Variants in TSPAN9 observed in about 807,000 individuals in gnomAD.
TSPAN9 encodes tetraspanin 9, also known as tetraspanin-9.
TSPAN9 carries 16 observed loss-of-function variants against 31.0 expected under a neutral mutation model. That is an observed-to-expected ratio of 0.52 (90% CI 0.35 to 0.78). The LOEUF (loss-of-function observed/expected upper bound fraction) is 0.78, where lower values mean the gene tolerates loss of function less well. TSPAN9 is among the 30% of genes least tolerant of loss of function. The probability of loss-of-function intolerance (pLI) is 0.01; values close to 1 mark genes in which losing one functional copy is unlikely to be tolerated. For synonymous variants in TSPAN9, 145 were observed against 121.6 expected (o/e 1.19, Z -1.27); for missense variants, 272 against 312.5 (o/e 0.87, Z 0.98).
intron 3 of TSPAN9, among the ~76,000 whole-genome samples, chr12:3,268,083 G>C (rs1302584610): frequency 1.3e-5 from 2 of 152,198 alleles, no homozygotes; most frequent in African/African-American, 4.8e-5. Context: ...TGGAGGCCAT[G>C]ACTGGTTTGT....
intron 2 of TSPAN9, among the ~76,000 whole-genome samples, chr12:3,153,574 CA>C: frequency 6.6e-6 from 1 of 152,326 alleles, no homozygotes; most frequent in Non-Finnish European, 1.5e-5. Context: ...CAAGTGGTTA[CA>C]TAGGAAATGT....
intron 3 of TSPAN9, among the ~76,000 whole-genome samples, chr12:3,274,146 T>C (rs1649366575): frequency 6.6e-6 from 1 of 152,178 alleles, no homozygotes; most frequent in East Asian, 1.9e-4. Flanking sequence ...ACCCCTGGCC[T>C]CTACTCACCA....
intron 3 of TSPAN9, among the ~76,000 whole-genome samples, chr12:3,253,225 A>C (rs1453442445): frequency 6.6e-6 from 1 of 152,202 alleles, no homozygotes; most frequent in Non-Finnish European, 1.5e-5. Context: ...CCGCGTTCCT[A>C]AGAAAACCAA....
intron 2 of TSPAN9, among the ~76,000 whole-genome samples, chr12:3,131,580 G>T (rs937829514): frequency 3.3e-5 from 5 of 152,148 alleles, no homozygotes; most frequent in African/African-American, 1.2e-4. Flanking sequence ...ACCGTGGCAG[G>T]TGTGCAGGGA....
chr12:3,179,708 A>G (rs184982639), intron 2 of TSPAN9, among the ~76,000 whole-genome samples: 93 of 152,310 alleles, frequency 6.1e-4, no homozygotes, highest in Non-Finnish European at 8.4e-4. Flanking sequence ...CAAGTGATGA[A>G]TCCATGAATA....
intron 2 of TSPAN9, among the ~76,000 whole-genome samples, chr12:3,117,107 G>A (rs1482203445): frequency 6.6e-6 from 1 of 152,164 alleles, no homozygotes; most frequent in Non-Finnish European, 1.5e-5. Flanking sequence ...TCTAAATTAT[G>A]GAAAACATAA....
chr12:3,088,352 C>T (rs2098301776), intron 2 of TSPAN9, among the ~76,000 whole-genome samples: 1 of 152,172 alleles, frequency 6.6e-6, no homozygotes. Context: ...GCATGTGGGA[C>T]CTGGAGGCGC....
rs184778170 is a variant in TSPAN9 at position 3,163,567 on chromosome 12, T to C, written c.-17-37610T>C. Among the ~76,000 whole-genome samples, 301 of 152,292 alleles carry C rather than the reference T, an allele frequency of 2.0e-3. 3 individuals carry two copies. Among genetic ancestry groups the C allele is most frequent in the African/African-American group, 6.8e-3 (282 of 41,560 alleles). Reference sequence around the variant, plus strand: ...ACTATAGCACCTGGGTCACACATCGTTGGTGCTGGGTCTTTTTCCCGGGTT... The same window carrying C: ...ACTATAGCACCTGGGTCACACATCGCTGGTGCTGGGTCTTTTTCCCGGGTT... On this transcript the variant is annotated intron_variant, in intron 2 of 8. Coordinates refer to ENST00000011898, the MANE Select transcript of TSPAN9 (RefSeq NM_006675.5).
At chr12:3,207,649 C>G (rs992362057) in intron 3 of TSPAN9, among the ~76,000 whole-genome samples, 3 of 152,194 alleles carry the variant, frequency 2.0e-5, no homozygotes, top group African/African-American at 7.2e-5. Flanking sequence ...TGCGCCCCAG[C>G]AAACTTTGAG....
At chr12:3,188,356 T>G (rs941799550) in intron 2 of TSPAN9, among the ~76,000 whole-genome samples, 1 of 152,202 alleles carries the variant, frequency 6.6e-6, no homozygotes, top group Non-Finnish European at 1.5e-5. Flanking sequence ...GCGGTACTAC[T>G]GTGCTTGCTG....
intron 2 of TSPAN9, among the ~76,000 whole-genome samples, chr12:3,146,035 G>A (rs1444454530): frequency 6.6e-6 from 1 of 152,248 alleles, no homozygotes; most frequent in Non-Finnish European, 1.5e-5. Context: ...CGCAGGCACA[G>A]GCACGAGGAC....
chr12:3,130,074 C>T (rs553293786), intron 2 of TSPAN9, among the ~76,000 whole-genome samples: 1 of 152,292 alleles, frequency 6.6e-6, no homozygotes, highest in East Asian at 1.9e-4. Context: ...GCGGCTGTAC[C>T]GCCTCTTTGG....
intron 2 of TSPAN9, among the ~76,000 whole-genome samples, chr12:3,092,734 T>C (rs1445278793): frequency 6.6e-6 from 1 of 152,232 alleles, no homozygotes; most frequent in African/African-American, 2.4e-5. Flanking sequence ...TTTGGCACAT[T>C]GGATGTCCCC....
At chr12:3,119,803 G>T (rs2098324233) in intron 2 of TSPAN9, among the ~76,000 whole-genome samples, 1 of 152,144 alleles carries the variant, frequency 6.6e-6, no homozygotes, top group Admixed American at 6.5e-5. Context: ...GGAGGTGTTG[G>T]CTCTTCCCAG....
At chr12:3,155,613 AGAGG>A (rs2098341855) in intron 2 of TSPAN9, among the ~76,000 whole-genome samples, 1 of 150,870 alleles carries the variant, frequency 6.6e-6, no homozygotes, top group Non-Finnish European at 1.5e-5. Flanking sequence ...AAAAAAATAA[AGAGG>A]GAGCGAGAGC....
At chr12:3,240,514 G>A (rs1363992895) in intron 3 of TSPAN9, among the ~76,000 whole-genome samples, 1 of 152,190 alleles carries the variant, frequency 6.6e-6, no homozygotes, top group African/African-American at 2.4e-5. Context: ...GTCTGGTGAC[G>A]TGCTCGAGCT....
intron 2 of TSPAN9, among the ~76,000 whole-genome samples, chr12:3,152,335 T>C (rs958298275): frequency 1.3e-5 from 2 of 152,232 alleles, no homozygotes; most frequent in Non-Finnish European, 2.9e-5. Flanking sequence ...TTTGGCCTGA[T>C]GCCAGGGTGG....
intron 3 of TSPAN9, among the ~76,000 whole-genome samples, chr12:3,255,758 C>CAA (rs1425428549): frequency 6.6e-6 from 1 of 152,208 alleles, no homozygotes; most frequent in East Asian, 1.9e-4. Flanking sequence ...ATGCTCTAGG[C>CAA]AAAGCCTTTG....
chr12:3,121,525 A>C (rs2098325093), intron 2 of TSPAN9, among the ~76,000 whole-genome samples: 1 of 138,238 alleles, frequency 7.2e-6, no homozygotes, highest in Non-Finnish European at 1.5e-5. Context: ...ATATCTGGCT[A>C]ATTAAAACTT....
Sources: gnomAD v4.1 joint callset for allele counts (sites outside exome capture counted in the v4.1 genomes callset) on GRCh38, gnomAD v4.1.1 for gene constraint, MANE v1.5 for transcripts, NCBI Gene and HGNC (gene_info 2026-07-23, HGNC 2026-07-21) for gene names.